KCNH7: variants seen among roughly 807,000 people sequenced by gnomAD.
KCNH7 encodes the protein potassium voltage-gated channel subfamily H member 7.
A neutral mutation model predicts 120.8 loss-of-function variants in KCNH7; 49 were observed. The observed-to-expected ratio is 0.41, with a 90% CI of 0.32 to 0.51. The LOEUF (loss-of-function observed/expected upper bound fraction) is 0.51. KCNH7 is among the 20% of genes least tolerant of loss of function. The probability of loss-of-function intolerance (pLI) is 0.38; values close to 1 mark genes in which losing one functional copy is unlikely to be tolerated. For missense variants in KCNH7, 1,097 were observed against 1,446.6 expected (o/e 0.76, Z 3.92); for synonymous variants, 547 against 516.1 (o/e 1.06, Z -0.81).
At chr2:162,642,138 A>G (rs189998984) in intron 2 of KCNH7, among the ~76,000 whole-genome samples, 48 of 152,284 alleles carry the variant, frequency 3.2e-4, no homozygotes, top group Non-Finnish European at 6.2e-4. Flanking sequence ...CAGGATCTCA[A>G]GCCTTAGTAT....
chr2:162,638,630 G>A (rs1165225863), intron 2 of KCNH7, among the ~76,000 whole-genome samples: 1 of 152,068 alleles, frequency 6.6e-6, no homozygotes, highest in East Asian at 1.9e-4. Context: ...TGTATTTGAT[G>A]ACTATCAGCA....
intron 2 of KCNH7, among the ~76,000 whole-genome samples, chr2:162,631,863 G>A (rs1683779385): frequency 1.3e-5 from 2 of 151,880 alleles, no homozygotes; most frequent in African/African-American, 2.4e-5. Context: ...AAGAAATTCT[G>A]TTTTAAAGTG....
Position 162,659,292 on chromosome 2 carries a change from C to A in KCNH7, c.308-122212G>T, listed in dbSNP as rs112584429. 6.5e-3 allele frequency among the ~76,000 whole-genome samples: 977 copies of A among 151,192 alleles called. 15 individuals carry two copies. Among genetic ancestry groups the A allele is most frequent in the African/African-American group, 0.022 (921 of 41,262 alleles). ...AATTGATTTTCAAATGTTAAAGTAG[C>A]CTTGCATATTGCATACTGGAATATA... is the stretch of plus-strand genomic sequence containing the variant. On this transcript the variant is annotated intron_variant, in intron 2 of 15. Coordinates refer to ENST00000332142, the MANE Select transcript of KCNH7 (RefSeq NM_033272.4).
chr2:162,621,194 T>G (rs1310984818), intron 2 of KCNH7, among the ~76,000 whole-genome samples: 1 of 150,830 alleles, frequency 6.6e-6, no homozygotes, highest in Non-Finnish European at 1.5e-5. Context: ...TCTTTAATTT[T>G]ATTTTGTGAT....
chr2:162,497,360 C>T (rs1690528710), intron 6 of KCNH7, among the ~76,000 whole-genome samples: 1 of 152,090 alleles, frequency 6.6e-6, no homozygotes, highest in Non-Finnish European at 1.5e-5. Flanking sequence ...ACAAAAACCC[C>T]CATCCCACTA....
intron 2 of KCNH7, among the ~76,000 whole-genome samples, chr2:162,778,307 G>A (rs561969521): frequency 6.6e-6 from 1 of 152,138 alleles, no homozygotes; most frequent in South Asian, 2.1e-4. Flanking sequence ...TAAGGTTAAG[G>A]ATTTTTACCT....
intron 2 of KCNH7, among the ~76,000 whole-genome samples, chr2:162,705,501 C>T (rs765413627): frequency 6.6e-6 from 1 of 151,966 alleles, no homozygotes; most frequent in Admixed American, 6.6e-5. Flanking sequence ...AAGTCATTTG[C>T]CTTATTTCTC....
rs71009364 is a variant in KCNH7 at position 162,577,348 on chromosome 2, CCTATCTATCTATCTAT to C, written c.308-40284_308-40269del. Among the ~76,000 whole-genome samples, 542 of 131,394 alleles carry C rather than the reference CCTATCTATCTATCTAT, an allele frequency of 4.1e-3. 3 individuals carry two copies. Among genetic ancestry groups the C allele is most frequent in the South Asian group, 8.7e-3 (34 of 3,912 alleles). The allele number at this position is 131,394 out of a possible 152,430, so 86.2% of individuals were successfully genotyped here. On this transcript the variant is annotated intron_variant, in intron 2 of 15. Transcript: ENST00000332142. Reference sequence around the variant, plus strand: ...ATCTATCTGTCTATCATCTATCCATCCTATCTATCTATCTATCTATCTATCTATCTATCTATCTATC... The same window carrying C: ...ATCTATCTGTCTATCATCTATCCATCCTATCTATCTATCTATCTATCTATC...
At chr2:162,535,491 G>A (rs1370286922) in intron 3 of KCNH7, among the ~76,000 whole-genome samples, 1 of 151,582 alleles carries the variant, frequency 6.6e-6, no homozygotes, top group Non-Finnish European at 1.5e-5. Context: ...ATGCCAAGGA[G>A]CAAAGTAAAC....
intron 2 of KCNH7, among the ~76,000 whole-genome samples, chr2:162,609,853 G>A (rs1382491610): frequency 1.3e-5 from 2 of 152,122 alleles, no homozygotes; most frequent in African/African-American, 4.8e-5. Context: ...AACACTCTGG[G>A]GACGGGTCTG....
At chr2:162,827,897 C>T (rs1229748388) in intron 2 of KCNH7, among the ~76,000 whole-genome samples, 2 of 152,086 alleles carry the variant, frequency 1.3e-5, no homozygotes, top group Non-Finnish European at 2.9e-5. Context: ...AAGAACCAGT[C>T]ACTGAGTTGG....
At chr2:162,378,536 C>A (rs1036144244) in intron 14 of KCNH7, among the ~76,000 whole-genome samples, 5 of 152,128 alleles carry the variant, frequency 3.3e-5, no homozygotes, top group African/African-American at 1.2e-4. Flanking sequence ...GATGAGTAAG[C>A]AAGCAGCTTG....
chr2:162,609,901 A>C (rs530796484), intron 2 of KCNH7, among the ~76,000 whole-genome samples: 1 of 152,296 alleles, frequency 6.6e-6, no homozygotes, highest in South Asian at 2.1e-4. Flanking sequence ...ATCGTCAGGA[A>C]GAGTCTGAAT....
intron 2 of KCNH7, among the ~76,000 whole-genome samples, chr2:162,728,275 T>G (rs1370503802): frequency 6.6e-6 from 1 of 152,180 alleles, no homozygotes; most frequent in African/African-American, 2.4e-5. Context: ...ATTTTTTATG[T>G]GCTGTTTTAC....
At chr2:162,662,081 G>A (rs1684982292) in intron 2 of KCNH7, among the ~76,000 whole-genome samples, 1 of 151,968 alleles carries the variant, frequency 6.6e-6, no homozygotes, top group South Asian at 2.1e-4. Context: ...GGTCAAGATG[G>A]TGAAACCCCG....
intron 2 of KCNH7, among the ~76,000 whole-genome samples, chr2:162,746,221 T>TTCAAGCTGGAACTTTGATATA (rs1688311416): frequency 1.3e-5 from 2 of 152,114 alleles, no homozygotes; most frequent in African/African-American, 4.8e-5. Flanking sequence ...AAAATGGGTT[T>TTCAAGCTGGAACTTTGATATA]AATAATTACA....
chr2:162,836,700 G>A lies in KCNH7; in HGVS notation c.144C>T (p.Phe48=), dbSNP rs1461704896. The change falls in exon 2 of 16, where the codon TTC becomes TTT. Residue 48 remains phenylalanine, a synonymous_variant. Transcript: ENST00000332142. ...GCCTGGAGAAACCAGTCATCTCACAGAACCCATCGTTGCAATAAATGATGG... is the reference window on the plus strand; with the variant it reads ...GCCTGGAGAAACCAGTCATCTCACAAAACCCATCGTTGCAATAAATGATGG... ...NCAIIYCNDG[F]CEMTGFSRPD... 2 of 1,613,948 alleles carry A rather than the reference G, an allele frequency of 1.2e-6. No individual in the cohort carries two copies. The highest frequency in any genetic ancestry group is 1.7e-6 in the Non-Finnish European group (2 of 1,180,014).
At chr2:162,834,107 T>C (rs1685570080) in intron 2 of KCNH7, among the ~76,000 whole-genome samples, 1 of 152,058 alleles carries the variant, frequency 6.6e-6, no homozygotes, top group Non-Finnish European at 1.5e-5. Flanking sequence ...CTTTTATAAA[T>C]GTAGAGTAGC....
At chr2:162,753,426 C>T (rs530811909) in intron 2 of KCNH7, among the ~76,000 whole-genome samples, 1 of 152,176 alleles carries the variant, frequency 6.6e-6, no homozygotes, top group South Asian at 2.1e-4. Flanking sequence ...CGAATTAGGA[C>T]TTAAACCAGG....
Sources: gnomAD v4.1 joint callset for allele counts (sites outside exome capture counted in the v4.1 genomes callset) on GRCh38, gnomAD v4.1.1 for gene constraint, MANE v1.5 for transcripts, NCBI Gene and HGNC (gene_info 2026-07-23, HGNC 2026-07-21) for gene names.